FARP1: variants seen among roughly 807,000 people sequenced by gnomAD.
FARP1 encodes FERM, ARH/RhoGEF and pleckstrin domain protein 1, also known as FERM, ARHGEF and pleckstrin domain-containing protein 1.
A neutral mutation model predicts 128.8 loss-of-function variants in FARP1; 52 were observed. The observed-to-expected ratio is 0.40, with a 90% CI of 0.32 to 0.51. The LOEUF (loss-of-function observed/expected upper bound fraction) is 0.51, where lower values mean the gene tolerates loss of function less well. Among genes scored for constraint, FARP1 ranks in the 20% least tolerant of loss-of-function variants. The probability of loss-of-function intolerance (pLI) is 0.45; values close to 1 mark genes in which losing one functional copy is unlikely to be tolerated. For missense variants in FARP1, 1,333 were observed against 1,367.9 expected (o/e 0.97, Z 0.40); for synonymous variants, 580 against 551.8 (o/e 1.05, Z -0.72).
chr13:98,264,238 A>G (rs1171933922), intron 2 of FARP1, among the ~76,000 whole-genome samples: 1 of 152,170 alleles, frequency 6.6e-6, no homozygotes, highest in Non-Finnish European at 1.5e-5. Flanking sequence ...AGGGCCCCCA[A>G]TCCTCAGTTT....
rs914107726 is a variant in FARP1 at position 98,449,645 on chromosome 13, CG to C, written c.*1329del. The C allele has an allele frequency of 6.6e-6, 1 of 152,574 alleles. No individual in the cohort carries two copies. The highest frequency in any genetic ancestry group is 1.5e-5 in the Non-Finnish European group (1 of 68,036). The allele number at this position is 152,574 out of a possible 1,614,324, so 9.5% of individuals were successfully genotyped here. On this transcript the variant is annotated 3_prime_UTR_variant, in exon 27 of 27. Coordinates refer to ENST00000319562, the MANE Select transcript of FARP1 (RefSeq NM_005766.4). ...AAACAAACAGCAACTTGCAAACGGA[CG>C]AAGAGCCTGCCGTGTGTTAATCATT...
chr13:98,169,594 C>A (rs889054357), intron 1 of FARP1, among the ~76,000 whole-genome samples: 1 of 152,144 alleles, frequency 6.6e-6, no homozygotes, highest in Non-Finnish European at 1.5e-5. Context: ...AACTTTAAGG[C>A]ATGCTTAGAT....
intron 1 of FARP1, among the ~76,000 whole-genome samples, chr13:98,181,597 A>ATTAT (rs56127904): frequency 0.02 from 2,735 of 135,516 alleles, 43 homozygotes; most frequent in Non-Finnish European, 0.026. Context: ...TAGAAATAAT[A>ATTAT]TTATTTATTT....
intron 2 of FARP1, among the ~76,000 whole-genome samples, chr13:98,257,935 G>A (rs1404991696): frequency 6.6e-6 from 1 of 152,174 alleles, no homozygotes; most frequent in Non-Finnish European, 1.5e-5. Context: ...ATTCCACAGC[G>A]TGTACATCTA....
At chr13:98,236,332 G>A (rs917408449) in intron 2 of FARP1, among the ~76,000 whole-genome samples, 1 of 152,136 alleles carries the variant, frequency 6.6e-6, no homozygotes, top group Non-Finnish European at 1.5e-5. Flanking sequence ...TTCCAAACAC[G>A]ATTTAATTAA....
Position 98,392,453 on chromosome 13 carries a change from T to C in FARP1, c.1089-1190T>C, listed in dbSNP as rs577109857. On this transcript the variant is annotated intron_variant, in intron 11 of 26. Transcript: ENST00000319562. ...AGGTCAAGGCTGCAGTGAGCCAAGA[T>C]TGTGCCACTGCCCTCCATCTCTGGG... 7.2e-5 allele frequency among the ~76,000 whole-genome samples: 11 copies of C among 151,728 alleles called. No homozygotes were observed. In the East Asian group the frequency reaches 1.9e-3, roughly 27 times the overall value.
intron 2 of FARP1, among the ~76,000 whole-genome samples, chr13:98,312,842 A>G (rs775887894): frequency 6.6e-6 from 1 of 152,168 alleles, no homozygotes; most frequent in Non-Finnish European, 1.5e-5. Flanking sequence ...AGCTGGGCTC[A>G]CTGGCTTACC....
intron 2 of FARP1, among the ~76,000 whole-genome samples, chr13:98,303,680 A>T (rs1886013171): frequency 6.6e-6 from 1 of 152,170 alleles, no homozygotes; most frequent in South Asian, 2.1e-4. Context: ...TGTATATAGG[A>T]CATAGATTTA....
intron 2 of FARP1, among the ~76,000 whole-genome samples, chr13:98,319,801 C>G (rs9582211): frequency 6.6e-6 from 1 of 152,046 alleles, no homozygotes; most frequent in Non-Finnish European, 1.5e-5. Flanking sequence ...AAACCAAGTC[C>G]AGTCTTTATC....
intron 16 of FARP1, among the ~76,000 whole-genome samples, chr13:98,414,668 A>G (rs571743621): frequency 4.1e-4 from 62 of 152,216 alleles, no homozygotes; most frequent in Non-Finnish European, 8.7e-4. Flanking sequence ...AGGTGATTCC[A>G]AAGTGTAGCC....
At chr13:98,261,151 A>G (rs1207143358) in intron 2 of FARP1, among the ~76,000 whole-genome samples, 1 of 152,214 alleles carries the variant, frequency 6.6e-6, no homozygotes, top group Non-Finnish European at 1.5e-5. Flanking sequence ...CTGCTCATGC[A>G]GACACTGGAA....
chr13:98,414,049 GAA>G (rs1891288633), intron 16 of FARP1, among the ~76,000 whole-genome samples: 1 of 152,218 alleles, frequency 6.6e-6, no homozygotes, highest in African/African-American at 2.4e-5. Context: ...CCACCAGAGA[GAA>G]ATGCAGAGAG....
chr13:98,282,727 AC>A (rs1272945460), intron 2 of FARP1, among the ~76,000 whole-genome samples: 4 of 152,016 alleles, frequency 2.6e-5, no homozygotes, highest in Admixed American at 2.0e-4. Context: ...ACATGGTGAA[AC>A]CCTGTCTCTA....
intron 1 of FARP1, among the ~76,000 whole-genome samples, chr13:98,180,147 T>C (rs571427474): frequency 6.6e-6 from 1 of 152,200 alleles, no homozygotes; most frequent in African/African-American, 2.4e-5. Flanking sequence ...TTAATTGACT[T>C]GTAATTCTGT....
At chr13:98,253,119 A>G (rs561880030) in intron 2 of FARP1, among the ~76,000 whole-genome samples, 10 of 152,360 alleles carry the variant, frequency 6.6e-5, no homozygotes, top group African/African-American at 2.4e-4. Context: ...GACGAAAGCA[A>G]TGTTCAAGCC....
rs1198336789 is a variant in FARP1, at chr13:98,373,519, G to GAGAC, written c.399-4288_399-4285dup. Among the ~76,000 whole-genome samples, 1,200 of 127,212 alleles carry GAGAC rather than the reference G, an allele frequency of 9.4e-3. 24 individuals are homozygous for GAGAC. Among genetic ancestry groups the GAGAC allele is most frequent in the African/African-American group, 0.031 (1,017 of 33,342 alleles). The allele number at this position is 127,212 out of a possible 152,430, so 83.5% of individuals were successfully genotyped here. Reference sequence around the variant, plus strand: ...TGCTTTTCTTCCCTTTGACTTTCCAGAGACAGACAGACAGACACACACACA... The same window carrying GAGAC: ...TGCTTTTCTTCCCTTTGACTTTCCAGAGACAGACAGACAGACAGACACACACACA... On this transcript the variant is annotated intron_variant, in intron 5 of 26. Transcript: ENST00000319562.
rs1400455016 is a variant in FARP1, at chr13:98,379,551, TTAAA to T, written c.496+1635_496+1638del. Among the ~76,000 whole-genome samples, 9 of 152,054 alleles carry T rather than the reference TTAAA, an allele frequency of 5.9e-5. No homozygotes were observed. In the East Asian group the frequency reaches 1.4e-3, roughly 23 times the overall value. On this transcript the variant is annotated intron_variant, in intron 6 of 26. Transcript: ENST00000319562. ...AATCCTTTTCATAAGGCTGTAAAAATTAAATGGTAGCATACACAGTTGTCCTTTA... is the reference window on the plus strand; with the variant it reads ...AATCCTTTTCATAAGGCTGTAAAAATTGGTAGCATACACAGTTGTCCTTTA...
At chr13:98,340,383 T>G (rs1447800697) in intron 2 of FARP1, among the ~76,000 whole-genome samples, 1 of 152,104 alleles carries the variant, frequency 6.6e-6, no homozygotes, top group Non-Finnish European at 1.5e-5. Context: ...ATGTTCTATT[T>G]TTCCAGGCTG....
At chr13:98,362,193 A>T (rs1191117862) in intron 3 of FARP1, among the ~76,000 whole-genome samples, 2 of 152,158 alleles carry the variant, frequency 1.3e-5, no homozygotes, top group East Asian at 3.9e-4. Context: ...GAGCCTGGGA[A>T]GTTGAGGCTG....
Sources: gnomAD v4.1 joint callset for allele counts (sites outside exome capture counted in the v4.1 genomes callset) on GRCh38, gnomAD v4.1.1 for gene constraint, MANE v1.5 for transcripts, NCBI Gene and HGNC (gene_info 2026-07-23, HGNC 2026-07-21) for gene names.